The following GABRB1 variants were observed in gnomAD, a reference collection of about 807,000 sequenced individuals.
The protein encoded by GABRB1 is gamma-aminobutyric acid receptor subunit beta-1.
In GABRB1, 17 loss-of-function variants were observed where a neutral mutation model predicts 51.6. The observed-to-expected ratio is 0.33, with a 90% CI of 0.23 to 0.49. The LOEUF is 0.49. Among genes scored for constraint, GABRB1 ranks in the 20% least tolerant of loss-of-function variants. GABRB1 has a pLI of 0.99. For missense variants in GABRB1, 410 were observed against 600.6 expected (o/e 0.68, Z 3.32); for synonymous variants, 247 against 218.9 (o/e 1.13, Z -1.14).
At chr4:47,147,983 A>AT (rs1290666918) in intron 3 of GABRB1, among the ~76,000 whole-genome samples, 2 of 152,072 alleles carry the variant, frequency 1.3e-5, no homozygotes, top group South Asian at 4.1e-4. Context: ...CATATTTGCA[A>AT]TTTTTTAAAA....
chr4:47,266,205 C>A (rs1722633897), intron 4 of GABRB1, among the ~76,000 whole-genome samples: 2 of 152,052 alleles, frequency 1.3e-5, no homozygotes, highest in Admixed American at 1.3e-4. Flanking sequence ...TATCCTTTCC[C>A]CAGTTTGTTT....
intron 3 of GABRB1, among the ~76,000 whole-genome samples, chr4:47,069,782 G>A (rs1727240587): frequency 6.6e-6 from 1 of 151,752 alleles, no homozygotes; most frequent in African/African-American, 2.4e-5. Flanking sequence ...CTCAAATATA[G>A]TCCTATTTCT....
intron 4 of GABRB1, among the ~76,000 whole-genome samples, chr4:47,195,130 G>T (rs1719593210): frequency 1.3e-5 from 2 of 152,114 alleles, no homozygotes; most frequent in Admixed American, 1.3e-4. Context: ...ACTTTGGGAG[G>T]CCGAGGCAGG....
chr4:47,391,848 GAATTTTTTA>G (rs1728007880), intron 5 of GABRB1, among the ~76,000 whole-genome samples: 1 of 152,106 alleles, frequency 6.6e-6, no homozygotes, highest in East Asian at 1.9e-4. Flanking sequence ...TAGGCATCGG[GAATTTTTTA>G]AATGAATGAA....
chr4:47,041,607 A>T (rs1560507579), intron 3 of GABRB1, among the ~76,000 whole-genome samples: 1 of 152,116 alleles, frequency 6.6e-6, no homozygotes, highest in Non-Finnish European at 1.5e-5. Flanking sequence ...TTTATTTGGT[A>T]TCTTCCCTGA....
At chr4:47,359,527 A>T (rs1225469284) in intron 5 of GABRB1, among the ~76,000 whole-genome samples, 3 of 152,236 alleles carry the variant, frequency 2.0e-5, no homozygotes, top group Non-Finnish European at 4.4e-5. Flanking sequence ...GAGCTGAAGA[A>T]AAAAATGACC....
At chr4:47,123,549 ATTATATATTATAATATATTACATTATT>A in intron 3 of GABRB1, among the ~76,000 whole-genome samples, 1 of 78,002 alleles carries the variant, frequency 1.3e-5, no homozygotes, top group Non-Finnish European at 2.2e-5. Context: ...ATTATAATAT[ATTATATATTATAATATATTACATTATT>A]TCATATATTA....
At chr4:47,177,624 G>C (rs917568176) in intron 4 of GABRB1, among the ~76,000 whole-genome samples, 1 of 152,000 alleles carries the variant, frequency 6.6e-6, no homozygotes, top group Non-Finnish European at 1.5e-5. Flanking sequence ...TCAGAGGTAG[G>C]TAACCTGGTA....
At chr4:47,060,368 G>T (rs1371929988) in intron 3 of GABRB1, among the ~76,000 whole-genome samples, 1 of 151,956 alleles carries the variant, frequency 6.6e-6, no homozygotes, top group Non-Finnish European at 1.5e-5. Context: ...TATGCAAGTG[G>T]GATAAATAAA....
chr4:47,110,242 C>A lies in GABRB1; in HGVS notation c.241-51007C>A, dbSNP rs545668746. ...AGACCATCATCCCATCTTCCATCTT[C>A]ACTATGTTTTTCTTCAATGTCTCCC... On this transcript the variant is annotated intron_variant, in intron 3 of 8. Transcript: ENST00000295454. Among the ~76,000 whole-genome samples the A allele has an allele frequency of 2.0e-5, 3 of 152,160 alleles. No individual in the cohort carries two copies. The East Asian group carries it at 5.8e-4, about 29-fold the overall frequency.
At chr4:47,154,034 G>A (rs1305133569) in intron 3 of GABRB1, among the ~76,000 whole-genome samples, 2 of 152,034 alleles carry the variant, frequency 1.3e-5, no homozygotes, top group Non-Finnish European at 2.9e-5. Context: ...ACTAGATGAT[G>A]TAAAGATAAA....
intron 8 of GABRB1, among the ~76,000 whole-genome samples, chr4:47,419,278 G>A (rs1254616134): frequency 6.6e-6 from 1 of 152,318 alleles, no homozygotes; most frequent in Non-Finnish European, 1.5e-5. Context: ...AAGCTGGATT[G>A]TCCCTTCCAT....
Position 47,367,878 on chromosome 4 carries a change from G to A in GABRB1, c.545-35440G>A, listed in dbSNP as rs926714162. On this transcript the variant is annotated intron_variant, in intron 5 of 8. Coordinates refer to ENST00000295454, the MANE Select transcript of GABRB1 (RefSeq NM_000812.4). ...GTTTTGGCTGTGCCATGCCCCACAA[G>A]TTGCCCTTGTCCTTGCAGTAAAGGC... Among the ~76,000 whole-genome samples the A allele has an allele frequency of 9.9e-5, 15 of 152,182 alleles. No homozygotes were observed. The South Asian group carries it at 2.7e-3, about 27-fold the overall frequency.
intron 1 of GABRB1, among the ~76,000 whole-genome samples, chr4:47,007,026 C>T (rs769468993): frequency 5.9e-5 from 9 of 151,952 alleles, no homozygotes; most frequent in Non-Finnish European, 1.2e-4. Flanking sequence ...TGTTGTCCCA[C>T]CTACTTAGGA....
intron 5 of GABRB1, among the ~76,000 whole-genome samples, chr4:47,348,899 C>T (rs767101276): frequency 6.6e-6 from 1 of 151,900 alleles, no homozygotes; most frequent in South Asian, 2.1e-4. Context: ...TAGATGAATT[C>T]CAGGGAGAGG....
intron 1 of GABRB1, among the ~76,000 whole-genome samples, chr4:46,996,276 A>C (rs1185681944): frequency 1.3e-5 from 2 of 152,112 alleles, no homozygotes; most frequent in African/African-American, 4.8e-5. Flanking sequence ...CTTTAAGTTG[A>C]TATAAGCCTC....
At chr4:47,085,601 G>C (rs1321614322) in intron 3 of GABRB1, among the ~76,000 whole-genome samples, 1 of 152,072 alleles carries the variant, frequency 6.6e-6, no homozygotes, top group Non-Finnish European at 1.5e-5. Flanking sequence ...CTTCTCAACA[G>C]AGCTTGTTTT....
chr4:47,047,344 C>G (rs140408018), intron 3 of GABRB1, among the ~76,000 whole-genome samples: 5 of 152,034 alleles, frequency 3.3e-5, no homozygotes, highest in African/African-American at 4.8e-5. Flanking sequence ...ATTCTAACCA[C>G]TTTATGAATA....
At chr4:47,310,565 T>A (rs907403939) in intron 4 of GABRB1, among the ~76,000 whole-genome samples, 1 of 152,222 alleles carries the variant, frequency 6.6e-6, no homozygotes, top group Non-Finnish European at 1.5e-5. Context: ...CTTAGATTCA[T>A]CTGGCCTAAC....
Sources: gnomAD v4.1 joint callset for allele counts (sites outside exome capture counted in the v4.1 genomes callset) on GRCh38, gnomAD v4.1.1 for gene constraint, MANE v1.5 for transcripts, NCBI Gene and HGNC (gene_info 2026-07-23, HGNC 2026-07-21) for gene names.